FAM228B: variants seen among roughly 807,000 people sequenced by gnomAD.
FAM228B encodes family with sequence similarity 228 member B, also known as protein FAM228B.
FAM228B carries 38 observed loss-of-function variants against 42.6 expected under a neutral mutation model. The observed-to-expected ratio is 0.89, with a 90% CI of 0.69 to 1.17. The LOEUF is 1.17. Among genes scored for constraint, FAM228B ranks in the 50% most tolerant of loss-of-function variants. FAM228B has a pLI of 0.00. For missense variants in FAM228B, 344 were observed against 367.3 expected, an observed-to-expected ratio of 0.94 and a Z score of 0.52; for synonymous variants, 109 against 122.3, an observed-to-expected ratio of 0.89 and a Z score of 0.72.
At chr2:24,159,039 C>T (rs1204405514) in intron 7 of FAM228B, among the ~76,000 whole-genome samples, 1 of 152,164 alleles carries the variant, frequency 6.6e-6, no homozygotes, top group Admixed American at 6.5e-5. Context: ...TCTCTGCAGT[C>T]TCTGTCTCCA....
chr2:24,161,288 A>C (rs1361049683), intron 7 of FAM228B, among the ~76,000 whole-genome samples: 3 of 152,088 alleles, frequency 2.0e-5, no homozygotes, highest in African/African-American at 7.2e-5. Context: ...TCTACAAAAA[A>C]TAAAAATAAA....
chr2:24,114,556 C>T (rs936469313), intron 3 of FAM228B, among the ~76,000 whole-genome samples: 3 of 152,070 alleles, frequency 2.0e-5, no homozygotes, highest in Non-Finnish European at 2.9e-5. Flanking sequence ...TAGTCATTAT[C>T]GTCATGATAT....
intron 5 of FAM228B, among the ~76,000 whole-genome samples, chr2:24,140,270 G>A (rs772125893): frequency 1.3e-5 from 2 of 152,100 alleles, no homozygotes; most frequent in African/African-American, 4.8e-5. Context: ...TCTGCCTCCC[G>A]GGTTCAAGAG....
At chr2:24,079,437 CA>C in intron 1 of FAM228B, 1 of 1,613,404 alleles carries the variant, frequency 6.2e-7, no homozygotes, top group Non-Finnish European at 8.5e-7. Context: ...TTTCATTCAT[CA>C]CTCACCTTAT....
chr2:24,084,367 A>C lies in FAM228B; in HGVS notation c.-210+3412A>C. 6.4e-7 allele frequency: 1 copy of C among 1,568,328 alleles called. No individual in the cohort carries two copies. Among genetic ancestry groups the C allele is most frequent in the Non-Finnish European group, 8.6e-7 (1 of 1,158,578 alleles). ...AGGGCAGGGCAGGGCAGGACAGGAC[A>C]GGGCAGGGCAGGGCAGGACAGGACA... On this transcript the variant is annotated intron_variant, in intron 2 of 10. Transcript: ENST00000613899. The surrounding 1 kb of genome is among the most constrained non-coding windows in gnomAD (Gnocchi z 8.4).
intron 7 of FAM228B, among the ~76,000 whole-genome samples, chr2:24,160,453 A>G (rs1667260215): frequency 6.6e-6 from 1 of 152,034 alleles, no homozygotes; most frequent in Non-Finnish European, 1.5e-5. Context: ...CAGATTAGAT[A>G]TATATATTAG....
At chr2:24,110,540 G>A (rs1254668221) in intron 3 of FAM228B, among the ~76,000 whole-genome samples, 2 of 152,150 alleles carry the variant, frequency 1.3e-5, no homozygotes, top group Non-Finnish European at 2.9e-5. Flanking sequence ...AAAAACCCTG[G>A]AACAACAAGG....
At chr2:24,121,806 C>T (rs1257108434), upstream of FAM228B, among the ~76,000 whole-genome samples, 2 of 152,138 alleles carry the variant, frequency 1.3e-5, no homozygotes, top group African/African-American at 2.4e-5. Flanking sequence ...TGCTTCCTCT[C>T]CCCCACTGTG....
intron 3 of FAM228B, among the ~76,000 whole-genome samples, chr2:24,116,384 G>A (rs773483174): frequency 6.6e-5 from 10 of 152,080 alleles, no homozygotes; most frequent in Non-Finnish European, 1.5e-4. Flanking sequence ...TAAAGATGGG[G>A]TCTCACTATG....
At chr2:24,111,940 A>G (rs772994370) in intron 3 of FAM228B, among the ~76,000 whole-genome samples, 4 of 152,236 alleles carry the variant, frequency 2.6e-5, no homozygotes, top group Non-Finnish European at 2.9e-5. Flanking sequence ...AAAACTCCAG[A>G]GAGCCATAAA....
intron 5 of FAM228B, among the ~76,000 whole-genome samples, chr2:24,144,297 G>A (rs1033863171): frequency 1.3e-5 from 2 of 151,804 alleles, no homozygotes; most frequent in African/African-American, 4.8e-5. Flanking sequence ...AAAACTAGCT[G>A]GACATGGCGC....
At chr2:24,104,199 C>T (rs1167087013) in intron 3 of FAM228B, among the ~76,000 whole-genome samples, 1 of 152,132 alleles carries the variant, frequency 6.6e-6, no homozygotes, top group East Asian at 1.9e-4. Flanking sequence ...GTGAGAGCCC[C>T]CAGGGTGATT....
intron 9 of FAM228B, chr2:24,165,226 C>T (rs188328961): frequency 6.7e-6 from 2 of 299,408 alleles, no homozygotes; most frequent in East Asian, 8.0e-5. Flanking sequence ...GAGCTGGCAC[C>T]GATGTCTCCA....
chr2:24,088,262 A>C (rs1028639911), intron 2 of FAM228B, among the ~76,000 whole-genome samples: 1 of 151,928 alleles, frequency 6.6e-6, no homozygotes, highest in African/African-American at 2.4e-5. Flanking sequence ...GTGTACCCCA[A>C]CTCCATGGGG....
At chr2:24,115,863 T>A (rs1234720718) in intron 3 of FAM228B, among the ~76,000 whole-genome samples, 1 of 147,268 alleles carries the variant, frequency 6.8e-6, no homozygotes, top group Admixed American at 6.9e-5. Flanking sequence ...AGTGCCATAG[T>A]AGAGGTATTT....
intron 2 of FAM228B, among the ~76,000 whole-genome samples, chr2:24,126,219 ATTTAAC>A (rs1481698086): frequency 2.6e-5 from 4 of 152,204 alleles, no homozygotes; most frequent in African/African-American, 7.2e-5. Flanking sequence ...TGGTAAATGA[ATTTAAC>A]TTTATGAAGC....
At position 24,103,591 on chromosome 2, in the gene FAM228B, A is replaced by C. The variant is rs559469430; in HGVS notation, c.-121+8362A>C. 5.9e-5 allele frequency among the ~76,000 whole-genome samples: 9 copies of C among 152,324 alleles called. No individual in the cohort carries two copies. The South Asian group carries it at 1.9e-3, about 32-fold the overall frequency. On this transcript the variant is annotated intron_variant, in intron 3 of 10. Coordinates refer to the FAM228B transcript ENST00000613899. ...AGGCAACTGGAATGCTCTACAGAGG[A>C]GGCTCCAGACAGTTATTGCCTTGAG...
At chr2:24,085,290 G>A (rs376564655) in intron 2 of FAM228B, 1 of 152,132 alleles carries the variant, frequency 6.6e-6, no homozygotes, top group South Asian at 2.1e-4. Context: ...GACAGTCCTG[G>A]GGGAGAGGTT....
At chr2:24,155,531 A>ATATATATATATT (rs1558393367) in intron 7 of FAM228B, among the ~76,000 whole-genome samples, 1 of 13,038 alleles carries the variant, frequency 7.7e-5, no homozygotes, top group Non-Finnish European at 1.6e-4. Context: ...ATATATATAT[A>ATATATATATATT]TTTTTTTTTT....
Sources: gnomAD v4.1 joint callset for allele counts (sites outside exome capture counted in the v4.1 genomes callset) on GRCh38, gnomAD v4.1.1 for gene constraint, Gnocchi (gnomAD v3.1) non-coding constraint, MANE v1.5 for transcripts, NCBI Gene and HGNC (gene_info 2026-07-23, HGNC 2026-07-21) for gene names.